Variants in RABL6 observed in about 807,000 individuals in gnomAD.
RABL6 encodes rab-like protein 6.
In RABL6, 28 loss-of-function variants were observed where a neutral mutation model predicts 72.9. The ratio of observed to expected loss-of-function variants is 0.38; its 90% confidence interval spans 0.28 to 0.53. RABL6 has a LOEUF of 0.53. RABL6 is among the 20% of genes least tolerant of loss of function. The pLI is 0.80. For missense variants in RABL6, 1,029 were observed against 1,008.4 expected (o/e 1.02, Z -0.28); for synonymous variants, 477 against 421.2 (o/e 1.13, Z -1.62).
At chr9:136,833,437 C>T (rs551776415) in intron 7 of RABL6, 97 of 442,200 alleles carry the variant, frequency 2.2e-4, no homozygotes, top group African/African-American at 2.0e-3. Context: ...CCCTGGGCTG[C>T]CCCAGCTGGG....
rs762897655 is a variant in RABL6 at position 136,813,805 on chromosome 9, C to T, written c.130+5479C>T. On this transcript the variant is annotated intron_variant, in intron 1 of 14. Transcript: ENST00000311502. ...TAATTTTTTGTATTTTTAGTAGAGACAGGGTTTCACCGTGTTAGCCAGGAT... is the reference window on the plus strand; with the variant it reads ...TAATTTTTTGTATTTTTAGTAGAGATAGGGTTTCACCGTGTTAGCCAGGAT... 4.5e-5 allele frequency: 9 copies of T among 198,342 alleles called. 1 individual carries two copies. The Middle Eastern group carries it at 7.9e-3, about 174-fold the overall frequency. 12.3% of individuals were successfully genotyped at this position (198,342 alleles called of 1,614,324 possible).
intron 4 of RABL6, 149 bp from the exon 5 acceptor site, chr9:136,829,244 C>A (rs1459890385): frequency 1.5e-6 from 1 of 663,966 alleles, no homozygotes; most frequent in East Asian, 2.7e-5. Flanking sequence ...CTATGTTTAG[C>A]TATCCCATCT....
At chr9:136,829,271 C>G (rs1336627000) in intron 4 of RABL6, 122 bp from the exon 5 acceptor site, 2 of 782,418 alleles carry the variant, frequency 2.6e-6, no homozygotes, top group African/African-American at 3.4e-5. Context: ...CATATCGTTT[C>G]CAAATGGAAA....
chr9:136,829,601 C>A, intron 5 of RABL6, 117 bp downstream of exon 5: 2 of 951,410 alleles, frequency 2.1e-6, no homozygotes, highest in South Asian at 1.5e-5. Flanking sequence ...GACCGAGGGA[C>A]TCTTGCTGGG....
intron 1 of RABL6, among the ~76,000 whole-genome samples, chr9:136,812,237 C>CT: frequency 6.6e-6 from 1 of 152,228 alleles, no homozygotes; most frequent in Admixed American, 6.5e-5. Context: ...AGAGTCCTCT[C>CT]TGAGTAGACA....
In RABL6 at chr9:136,840,799, T is replaced by C. The variant is rs951774583; in HGVS notation, c.*277T>C. 48 of 1,547,454 alleles carry C rather than the reference T, an allele frequency of 3.1e-5. No homozygotes were observed. In the African/African-American group the frequency reaches 5.3e-4, roughly 17 times the overall value. On this transcript the variant is annotated 3_prime_UTR_variant, in exon 15 of 15. Coordinates refer to ENST00000311502, the MANE Select transcript of RABL6 (RefSeq NM_024718.5). The stretch of plus-strand genomic sequence containing the variant: ...CCTCTCGGGGCAGAGCCGCCAGTGT[T>C]TCTCAGGGATGTGACTGAGGCCCAG...
At chr9:136,818,294 C>T (rs577540830) in intron 1 of RABL6, among the ~76,000 whole-genome samples, 7 of 133,562 alleles carry the variant, frequency 5.2e-5, no homozygotes, top group African/African-American at 8.6e-5. Context: ...ACCCAGGAGA[C>T]GGAGCTTGCA....
chr9:136,837,150 C>T (rs1048839299), intron 8 of RABL6, 196 bp from the exon 9 acceptor site: 3 of 726,830 alleles, frequency 4.1e-6, no homozygotes, highest in Non-Finnish European at 7.5e-6. Flanking sequence ...GCTGGGATTA[C>T]AGGCATGAGC....
chr9:136,820,092 G>C (rs553335740), intron 1 of RABL6, among the ~76,000 whole-genome samples: 64 of 151,584 alleles, frequency 4.2e-4, no homozygotes, highest in African/African-American at 1.4e-3. Context: ...CCAGCTACTT[G>C]GGAGGCTGAG....
intron 2 of RABL6, among the ~76,000 whole-genome samples, chr9:136,824,146 A>T (rs1848301162): frequency 1.3e-5 from 2 of 151,934 alleles, no homozygotes; most frequent in Admixed American, 6.6e-5. Context: ...CCCAGGTCTC[A>T]ATTGGGTGTG....
At chr9:136,813,994 T>C in intron 1 of RABL6, 1 of 400,110 alleles carries the variant, frequency 2.5e-6, no homozygotes, top group Non-Finnish European at 4.9e-6. Context: ...CACATCTTGC[T>C]CTTTCTTACT....
At chr9:136,816,728 G>T (rs1004741045) in intron 1 of RABL6, among the ~76,000 whole-genome samples, 1 of 144,840 alleles carries the variant, frequency 6.9e-6, no homozygotes, top group Non-Finnish European at 1.5e-5. Flanking sequence ...AAAAAAAGGG[G>T]GGGGGGGTAA....
intron 1 of RABL6, among the ~76,000 whole-genome samples, chr9:136,820,690 C>T (rs1351713969): frequency 6.6e-6 from 1 of 151,360 alleles, no homozygotes; most frequent in Non-Finnish European, 1.5e-5. Flanking sequence ...TTTTAAAAAG[C>T]AAAAATAAAA....
At chr9:136,818,863 G>A (rs1232535335) in intron 1 of RABL6, among the ~76,000 whole-genome samples, 1 of 152,108 alleles carries the variant, frequency 6.6e-6, no homozygotes, top group Non-Finnish European at 1.5e-5. Context: ...GGGTGAAGCT[G>A]GACAGTCAAG....
Position 136,833,489 on chromosome 9 carries a change from G to A in RABL6, c.705+1119G>A, listed in dbSNP as rs553750784. 2.5e-4 allele frequency: 148 copies of A among 581,322 alleles called. 1 individual carries two copies. Among genetic ancestry groups the A allele is most frequent in the South Asian group, 1.7e-3 (91 of 52,030 alleles). 36.0% of individuals were successfully genotyped at this position (581,322 alleles called of 1,614,324 possible). ...CTCCTCGCCCTGGGCTGCCCCGCCT[G>A]GGTCTGGGGGACCTGAACCTCCTCG... On this transcript the variant is annotated intron_variant, in intron 7 of 14. Transcript: ENST00000311502.
At chr9:136,812,558 TA>T (rs1056086212) in intron 1 of RABL6, among the ~76,000 whole-genome samples, 10 of 148,484 alleles carry the variant, frequency 6.7e-5, no homozygotes, top group African/African-American at 1.7e-4. Flanking sequence ...GACTTCGTCT[TA>T]AAAAAAAAAG....
Position 136,808,277 on chromosome 9 carries a change from C to T in RABL6, c.81C>T (p.Ser27=). The T allele has an allele frequency of 6.4e-7, 1 of 1,563,994 alleles. No individual in the cohort carries two copies. Among genetic ancestry groups the T allele is most frequent in the Non-Finnish European group, 8.6e-7 (1 of 1,156,636 alleles). The change falls in exon 1 of 15, where the codon TCC becomes TCT. Residue 27 remains serine (S), a synonymous_variant. Coordinates refer to ENST00000311502, the MANE Select transcript of RABL6 (RefSeq NM_024718.5). ...AGAACATCCCCGCCGGGCTGCAGTC[C>T]ATGAACCAGGCGTTGCAGAGGCGCT... ...RDKNIPAGLQ[S]MNQALQRRFA...
intron 5 of RABL6, among the ~76,000 whole-genome samples, chr9:136,829,818 C>T (rs917051306): frequency 2.0e-5 from 3 of 152,222 alleles, no homozygotes; most frequent in East Asian, 1.9e-4. Context: ...GGGGGCTCCC[C>T]GCGACCTCCG....
intron 1 of RABL6, among the ~76,000 whole-genome samples, chr9:136,811,830 G>A (rs1848018938): frequency 6.6e-6 from 1 of 152,066 alleles, no homozygotes; most frequent in African/African-American, 2.4e-5. Context: ...CAGTGTTGAT[G>A]TTAAATGCTG....
Sources: allele counts gnomAD v4.1 joint callset (sites outside exome capture counted in the v4.1 genomes callset), GRCh38; gene constraint gnomAD v4.1.1; transcripts MANE v1.5; gene names NCBI Gene and HGNC (gene_info 2026-07-23, HGNC 2026-07-21).